CCNY: variants seen among roughly 807,000 people sequenced by gnomAD.
CCNY encodes cyclin-Y.
In CCNY, 19 loss-of-function variants were observed where a neutral mutation model predicts 42.8. That is an observed-to-expected ratio of 0.44 (90% CI 0.31 to 0.65). The LOEUF is 0.65. CCNY is among the 30% of genes least tolerant of loss of function. The probability of loss-of-function intolerance (pLI) is 0.07; values close to 1 mark genes in which losing one functional copy is unlikely to be tolerated. For missense variants in CCNY, 370 were observed against 437.3 expected (o/e 0.85, Z 1.37); for synonymous variants, 165 against 162.7 (o/e 1.01, Z -0.11).
chr10:35,322,508 T>TA (rs1835833108), intron 3 of CCNY, among the ~76,000 whole-genome samples: 1 of 151,808 alleles, frequency 6.6e-6, no homozygotes, highest in Non-Finnish European at 1.5e-5. Flanking sequence ...AGCAAAAAAT[T>TA]AGACTTTTAC....
chr10:35,255,279 C>T (rs894692055), intron 3 of CCNY, among the ~76,000 whole-genome samples: 1 of 151,716 alleles, frequency 6.6e-6, no homozygotes, highest in Non-Finnish European at 1.5e-5. Flanking sequence ...TTGTGCTTTA[C>T]ATATTTTGAT....
At chr10:35,558,527 C>T (rs896546295) in intron 8 of CCNY, among the ~76,000 whole-genome samples, 3 of 152,166 alleles carry the variant, frequency 2.0e-5, no homozygotes, top group African/African-American at 7.2e-5. Context: ...GAATTGTCTC[C>T]TCTAAAATAG....
rs553627492 is a variant in CCNY at position 35,355,912 on chromosome 10, GT to G, written c.154+18716del. The stretch of plus-strand genomic sequence containing the variant: ...TCTGTCAGCTTTCCTATCTTAGATT[GT>G]TTTTTTTTTTAGCAGCTTATGTAAC... On this transcript the variant is annotated intron_variant, in intron 1 of 9. Transcript: ENST00000374704. Among the ~76,000 whole-genome samples the G allele has an allele frequency of 3.0e-4, 43 of 141,046 alleles. 1 individual carries two copies. The highest frequency in any genetic ancestry group is 3.0e-4 in the Non-Finnish European group (19 of 64,192). 92.5% of individuals were successfully genotyped at this position (141,046 alleles called of 152,430 possible). A position where few individuals can be genotyped will look rare whatever the true frequency, so the allele number is the denominator to read the frequency against.
intron 2 of CCNY, among the ~76,000 whole-genome samples, chr10:35,493,973 A>C (rs1247277807): frequency 1.3e-5 from 2 of 152,128 alleles, no homozygotes; most frequent in East Asian, 3.9e-4. Flanking sequence ...GACACCTTGC[A>C]CCAGAACACT....
upstream of CCNY, among the ~76,000 whole-genome samples, chr10:35,333,889 G>A (rs1037490687): frequency 6.6e-6 from 1 of 152,060 alleles, no homozygotes; most frequent in African/African-American, 2.4e-5. Flanking sequence ...ATGAGTTGTG[G>A]GGGTCGGCAC....
intron 1 of CCNY, among the ~76,000 whole-genome samples, chr10:35,467,447 C>G (rs1364015292): frequency 6.6e-6 from 1 of 152,140 alleles, no homozygotes; most frequent in African/African-American, 2.4e-5. Flanking sequence ...TTGCTGAATA[C>G]CCCCTAGGGT....
intron 3 of CCNY, among the ~76,000 whole-genome samples, chr10:35,272,136 A>AAC (rs1160133447): frequency 1.3e-5 from 2 of 152,058 alleles, no homozygotes; most frequent in African/African-American, 4.8e-5. Context: ...ACAGGCATGC[A>AAC]ACACCATGCC....
intron 3 of CCNY, among the ~76,000 whole-genome samples, chr10:35,312,596 TAGA>T (rs1192528562): frequency 3.3e-5 from 5 of 151,806 alleles, no homozygotes; most frequent in African/African-American, 9.7e-5. Flanking sequence ...AAATGAACCA[TAGA>T]AGGTTTTATT....
intron 3 of CCNY, among the ~76,000 whole-genome samples, chr10:35,252,910 G>A (rs961612342): frequency 2.0e-5 from 3 of 152,120 alleles, no homozygotes; most frequent in Non-Finnish European, 4.4e-5. Context: ...TGTAGTGGTC[G>A]CAGAAAGTCC....
intron 1 of CCNY, among the ~76,000 whole-genome samples, chr10:35,365,934 C>T (rs1472578491): frequency 6.6e-6 from 1 of 152,144 alleles, no homozygotes; most frequent in African/African-American, 2.4e-5. Context: ...TTGTGTGTGT[C>T]TAGGGAATGG....
At chr10:35,284,008 C>T (rs141182552) in intron 3 of CCNY, among the ~76,000 whole-genome samples, 3,471 of 152,024 alleles carry the variant, frequency 0.023, 128 homozygotes, top group African/African-American at 0.078. Flanking sequence ...CACTTGAACC[C>T]GGGAGATGGG....
chr10:35,330,576 G>A (rs1466263066), intron 3 of CCNY, among the ~76,000 whole-genome samples: 2 of 152,068 alleles, frequency 1.3e-5, no homozygotes, highest in African/African-American at 4.8e-5. Flanking sequence ...TACAACTTGG[G>A]AATTCAAAAT....
At chr10:35,335,215 C>T (rs997110358), upstream of CCNY, among the ~76,000 whole-genome samples, 2 of 151,950 alleles carry the variant, frequency 1.3e-5, no homozygotes, top group African/African-American at 4.8e-5. Flanking sequence ...GGAGGGAATG[C>T]GAACCAACAT....
chr10:35,466,048 A>G (rs1201194406), intron 1 of CCNY, among the ~76,000 whole-genome samples: 8 of 151,998 alleles, frequency 5.3e-5, no homozygotes, highest in African/African-American at 1.9e-4. Context: ...TCTGCAGTCC[A>G]TTCAGTTCCA....
At position 35,569,667 on chromosome 10, in the gene CCNY, AG is replaced by A. The variant is rs1412740646; in HGVS notation, c.*498del. 2.3e-5 allele frequency: 4 copies of A among 176,040 alleles called. No individual in the cohort carries two copies. In the East Asian group the frequency reaches 5.8e-4, roughly 26 times the overall value. 10.9% of individuals were successfully genotyped at this position (176,040 alleles called of 1,614,324 possible). A position where few individuals can be genotyped will look rare whatever the true frequency, so the allele number is the denominator to read the frequency against. ...TGCCCTGTTTTGATTTTGGTCCCAC[AG>A]AGCAGGGGATGTAGTTTGTACCCAC... On this transcript the variant is annotated 3_prime_UTR_variant, in exon 10 of 10. Transcript: ENST00000374704.
intron 8 of CCNY, among the ~76,000 whole-genome samples, chr10:35,563,875 A>ATTTTT (rs527639128): frequency 3.4e-5 from 4 of 118,518 alleles, no homozygotes; most frequent in African/African-American, 1.3e-4. Context: ...TGCCTGACTA[A>ATTTTT]TTTTTTTTTT....
intron 1 of CCNY, among the ~76,000 whole-genome samples, chr10:35,352,681 T>C (rs1345511620): frequency 6.6e-6 from 1 of 152,214 alleles, no homozygotes; most frequent in Non-Finnish European, 1.5e-5. Context: ...AATGATCTAT[T>C]AGGTGAGACA....
Position 35,566,136 on chromosome 10 carries a change from T to A in CCNY, c.860T>A (p.Leu287Gln), listed in dbSNP as rs1564460941. ...DLRSLAEANNLSFPLEPLSRE... is the reference protein window; with the variant it reads ...DLRSLAEANNQSFPLEPLSRE... ...CGTTCTCTGGCAGAAGCGAACAACC[T>A]GAGCTTTCCCTTGGAGCCCCTGAGC... Residue 287 changes from leucine (L) to glutamine (Q), a missense_variant, in exon 9 of 10, where the codon CTG becomes CAG. Leu to Gln is a moderately radical substitution (Grantham distance 113). Transcript: ENST00000374704. The A allele has an allele frequency of 1.2e-6, 2 of 1,614,056 alleles. No individual in the cohort carries two copies. Among genetic ancestry groups the A allele is most frequent in the Non-Finnish European group, 8.5e-7 (1 of 1,179,970 alleles).
chr10:35,266,708 T>C (rs2095725933), intron 3 of CCNY, among the ~76,000 whole-genome samples: 1 of 152,148 alleles, frequency 6.6e-6, no homozygotes, highest in Non-Finnish European at 1.5e-5. Context: ...TAAGCGTTCT[T>C]ATTTTTTACT....
Sources: allele counts gnomAD v4.1 joint callset (sites outside exome capture counted in the v4.1 genomes callset), GRCh38; gene constraint gnomAD v4.1.1; transcripts MANE v1.5; gene names NCBI Gene and HGNC (gene_info 2026-07-23, HGNC 2026-07-21).